Variants in STXBP4 observed in about 807,000 individuals in gnomAD.
STXBP4 encodes syntaxin-binding protein 4.
A neutral mutation model predicts 76.1 loss-of-function variants in STXBP4; 55 were observed. That is an observed-to-expected ratio of 0.72 (90% CI 0.58 to 0.91). The LOEUF (loss-of-function observed/expected upper bound fraction) is 0.91, where lower values mean the gene tolerates loss of function less well. Ranked by LOEUF, STXBP4 falls within the 40% of genes least tolerant of loss-of-function variation. The pLI is 0.00. For missense variants in STXBP4, 618 were observed against 636.9 expected (o/e 0.97, Z 0.32); for synonymous variants, 201 against 220.2 (o/e 0.91, Z 0.77).
At chr17:55,109,667 TTGCCCAGGCTGGAG>T (rs2079688107) in intron 16 of STXBP4, among the ~76,000 whole-genome samples, 1 of 147,462 alleles carries the variant, frequency 6.8e-6, no homozygotes, top group South Asian at 2.2e-4. Flanking sequence ...TTCACTCTTG[TTGCCCAGGCTGGAG>T]TGCAGTGGCA....
intron 16 of STXBP4, among the ~76,000 whole-genome samples, chr17:55,132,471 G>A (rs2079983567): frequency 6.6e-6 from 1 of 152,162 alleles, no homozygotes; most frequent in South Asian, 2.1e-4. Context: ...TTACAGGCAT[G>A]AGCCACTGTG....
intron 17 of STXBP4, among the ~76,000 whole-genome samples, chr17:55,157,316 A>C (rs758398640): frequency 3.7e-4 from 57 of 152,138 alleles, no homozygotes; most frequent in Non-Finnish European, 7.4e-4. Flanking sequence ...ATGTGTCCTC[A>C]TTTCACCTTG....
At chr17:54,989,170 C>T (rs559647309) in intron 3 of STXBP4, among the ~76,000 whole-genome samples, 3 of 152,306 alleles carry the variant, frequency 2.0e-5, no homozygotes, top group South Asian at 4.1e-4. Context: ...TGCAGTGGCA[C>T]GATCTTGGCT....
chr17:55,119,514 A>G (rs979126452), intron 16 of STXBP4, among the ~76,000 whole-genome samples: 1 of 152,032 alleles, frequency 6.6e-6, no homozygotes, highest in Non-Finnish European at 1.5e-5. Context: ...GAGCTGATAT[A>G]TTTTTAGTAT....
chr17:55,091,609 CA>C (rs2079416003), intron 16 of STXBP4, among the ~76,000 whole-genome samples: 1 of 152,170 alleles, frequency 6.6e-6, no homozygotes, highest in Admixed American at 6.5e-5. Context: ...CAAAACAAAA[CA>C]AAACACCCTC....
chr17:55,137,676 C>T (rs543590270), intron 16 of STXBP4, among the ~76,000 whole-genome samples: 1 of 152,204 alleles, frequency 6.6e-6, no homozygotes, highest in Non-Finnish European at 1.5e-5. Flanking sequence ...AGCAGTACTT[C>T]TCATAGATTC....
At chr17:55,039,128 T>C (rs1259935622) in intron 10 of STXBP4, among the ~76,000 whole-genome samples, 1 of 152,170 alleles carries the variant, frequency 6.6e-6, no homozygotes, top group East Asian at 1.9e-4. Flanking sequence ...GGAAAAGTCA[T>C]GTGCCCAAAT....
chr17:55,197,817 G>A, the STXBP4 span, among the ~76,000 whole-genome samples: 26 of 152,212 alleles, frequency 1.7e-4, no homozygotes, highest in East Asian at 4.4e-3. Flanking sequence ...GAAGAGCACA[G>A]GCTAGCTGAA....
downstream of STXBP4, among the ~76,000 whole-genome samples, chr17:55,177,470 C>T (rs2145223320): frequency 6.6e-6 from 1 of 152,258 alleles, no homozygotes; most frequent in Non-Finnish European, 1.5e-5. Flanking sequence ...TTCCAAATAA[C>T]ATGATGAAAA....
chr17:55,111,806 A>G (rs1359016512), intron 16 of STXBP4, among the ~76,000 whole-genome samples: 1 of 152,208 alleles, frequency 6.6e-6, no homozygotes, highest in African/African-American at 2.4e-5. Context: ...CCTTTATAGC[A>G]ACACAAGAAT....
At chr17:54,995,383 A>T (rs2144445727) in intron 4 of STXBP4, among the ~76,000 whole-genome samples, 1 of 152,320 alleles carries the variant, frequency 6.6e-6, no homozygotes, top group Non-Finnish European at 1.5e-5. Flanking sequence ...AGCAGACAGA[A>T]ATCAAAATCC....
intron 16 of STXBP4, among the ~76,000 whole-genome samples, chr17:55,110,834 G>A (rs2079703642): frequency 6.6e-6 from 1 of 152,150 alleles, no homozygotes; most frequent in Non-Finnish European, 1.5e-5. Context: ...AAAAGTAATG[G>A]TAAATAAGTC....
rs145722424 is a variant in STXBP4 at position 54,996,694 on chromosome 17, G to C, written c.181-2651G>C. ...CTTGCCTCAGTTCACAGTAATAACT[G>C]GAGTTAAAAGAAGGTCACCATCAGT... is the stretch of plus-strand genomic sequence containing the variant. On this transcript the variant is annotated intron_variant, in intron 4 of 17. Transcript: ENST00000376352. Among the ~76,000 whole-genome samples the C allele has an allele frequency of 9.9e-5, 15 of 152,222 alleles. No homozygotes were observed. In the East Asian group the frequency reaches 2.9e-3, roughly 29 times the overall value.
chr17:55,042,680 G>T (rs542118444), intron 10 of STXBP4, among the ~76,000 whole-genome samples: 16 of 151,890 alleles, frequency 1.1e-4, no homozygotes, highest in African/African-American at 3.9e-4. Flanking sequence ...TTTTGTTATT[G>T]TTATTCACTT....
Position 55,159,033 on chromosome 17 carries a change from C to G in STXBP4, c.1548-764C>G, listed in dbSNP as rs768143962. On this transcript the variant is annotated intron_variant, in intron 17 of 17. Coordinates refer to ENST00000376352, the MANE Select transcript of STXBP4 (RefSeq NM_178509.6). ...GCCAAGGTGGGTGGATCACTTAAGC[C>G]CAAGAGTTCCAGACCAGCCTGGCCA... Among the ~76,000 whole-genome samples the G allele has an allele frequency of 3.2e-4, 49 of 152,242 alleles. 1 individual carries two copies. Among genetic ancestry groups the G allele is most frequent in the Non-Finnish European group, 4.3e-4 (29 of 68,018 alleles).
chr17:55,137,248 A>T (rs1291481936), intron 16 of STXBP4, among the ~76,000 whole-genome samples: 1 of 151,608 alleles, frequency 6.6e-6, no homozygotes, highest in African/African-American at 2.4e-5. Context: ...TGTGAGTTAG[A>T]GATATCTCCC....
intron 16 of STXBP4, among the ~76,000 whole-genome samples, chr17:55,095,677 A>G (rs2079476104): frequency 6.6e-6 from 1 of 152,180 alleles, no homozygotes; most frequent in Non-Finnish European, 1.5e-5. Context: ...AATTTTTATC[A>G]GTTTTGCAGT....
intron 4 of STXBP4, among the ~76,000 whole-genome samples, chr17:54,998,368 G>C (rs2077849781): frequency 6.6e-6 from 1 of 152,118 alleles, no homozygotes; most frequent in South Asian, 2.1e-4. Flanking sequence ...ATGATAAATA[G>C]GGAAATACCT....
chr17:55,062,933 T>C (rs2079011360), intron 12 of STXBP4, among the ~76,000 whole-genome samples: 1 of 152,224 alleles, frequency 6.6e-6, no homozygotes, highest in African/African-American at 2.4e-5. Flanking sequence ...AGAAAAGAAG[T>C]TATAAAGCTC....
Sources: allele counts gnomAD v4.1 joint callset (sites outside exome capture counted in the v4.1 genomes callset), GRCh38; gene constraint gnomAD v4.1.1; transcripts MANE v1.5; gene names NCBI Gene and HGNC (gene_info 2026-07-23, HGNC 2026-07-21).